CDH3: variants seen among roughly 807,000 people sequenced by gnomAD.
The protein encoded by CDH3 is cadherin 3, also known as cadherin-3.
A neutral mutation model predicts 82.0 loss-of-function variants in CDH3; 54 were observed. The observed-to-expected ratio is 0.66, with a 90% confidence interval of 0.53 to 0.83. The LOEUF (loss-of-function observed/expected upper bound fraction) is 0.83. Among genes scored for constraint, CDH3 ranks in the 40% least tolerant of loss-of-function variants. The pLI, the probability that CDH3 is intolerant of heterozygous loss-of-function variation, is 0.00. For synonymous variants in CDH3, 446 were observed against 437.9 expected (o/e 1.02, Z -0.23); for missense variants, 1,054 against 1,084.6 (o/e 0.97, Z 0.40).
Position 68,659,531 on chromosome 16 carries a change from T to C in CDH3, c.160+13781T>C, listed in dbSNP as rs1377609500. 2.0e-5 allele frequency among the ~76,000 whole-genome samples: 3 copies of C among 149,332 alleles called. No individual in the cohort carries two copies. In the East Asian group the frequency reaches 5.9e-4, roughly 29 times the overall value. ...TGGAGGTTGCAGTGAGCCAAGATCA[T>C]ACGACTGCACTGCACTCCAGCCTGG... On this transcript the variant is annotated intron_variant, in intron 2 of 15. Coordinates refer to ENST00000264012, the MANE Select transcript of CDH3 (RefSeq NM_001793.6).
At chr16:68,731,427 TATACAC>T (rs1962290050), downstream of CDH3, among the ~76,000 whole-genome samples, 1 of 55,262 alleles carries the variant, frequency 1.8e-5, no homozygotes, top group African/African-American at 1.0e-4. Flanking sequence ...TATACACATA[TATACAC>T]ATATATATAC....
chr16:68,661,067 G>A, intron 2 of CDH3, among the ~76,000 whole-genome samples: 1 of 152,112 alleles, frequency 6.6e-6, no homozygotes, highest in East Asian at 1.9e-4. Flanking sequence ...TGTATGGGGT[G>A]GAGGGGCCAA....
chr16:68,674,930 T>G (rs965864370), intron 2 of CDH3, among the ~76,000 whole-genome samples: 3 of 151,590 alleles, frequency 2.0e-5, no homozygotes, highest in Non-Finnish European at 4.4e-5. Flanking sequence ...CTGGTCAATA[T>G]GGTGAAACCC....
chr16:68,672,221 A>T lies in CDH3; in HGVS notation c.161-4164A>T, dbSNP rs139498535. On this transcript the variant is annotated intron_variant, in intron 2 of 15. Coordinates refer to ENST00000264012, the MANE Select transcript of CDH3 (RefSeq NM_001793.6). ...AAAAAAAAATAAATAAATAAAAAAT[A>T]AAAAAAAAAGAAAATAAGTTTCTGA... Among the ~76,000 whole-genome samples the T allele has an allele frequency of 8.3e-3, 1,224 of 147,100 alleles. 12 individuals carry two copies. Among genetic ancestry groups the T allele is most frequent in the African/African-American group, 0.028 (1,121 of 40,036 alleles).
At chr16:68,698,112 C>A in intron 15 of CDH3, 79 bp from the exon 16 acceptor site, 1 of 1,291,722 alleles carries the variant, frequency 7.7e-7, no homozygotes, top group Non-Finnish European at 1.1e-6. Context: ...GAGAGGGGCT[C>A]ACAGAGAGGA....
At chr16:68,664,772 C>T (rs541295659) in intron 2 of CDH3, among the ~76,000 whole-genome samples, 1 of 152,160 alleles carries the variant, frequency 6.6e-6, no homozygotes, top group South Asian at 2.1e-4. Flanking sequence ...GATCCTCCCA[C>T]CTCAGCCTCT....
chr16:68,722,604 C>T (rs973177738), exon 2 of CDH3: 1 of 152,122 alleles, frequency 6.6e-6, no homozygotes, highest in Non-Finnish European at 1.5e-5. Flanking sequence ...CCAATCAGTC[C>T]TCACTGACTC....
chr16:68,698,394 C>T lies in CDH3; in HGVS notation c.2484C>T (p.Asp828=), dbSNP rs202210726. The change falls in exon 16 of 16, where the codon GAC becomes GAT. Residue 828 remains aspartate (D), a synonymous_variant. Transcript: ENST00000264012. ...KLADMYGGGE[D]D ...CAGACATGTACGGTGGCGGGGAGGA[C>T]GACTAGGCGGCCTGCCTGCAGGGCT... 56 of 1,613,842 alleles carry T rather than the reference C, an allele frequency of 3.5e-5. No individual in the cohort carries two copies. Among genetic ancestry groups the T allele is most frequent in the East Asian group, 1.6e-4 (7 of 44,884 alleles).
chr16:68,672,245 G>C (rs989545356), intron 2 of CDH3, among the ~76,000 whole-genome samples: 1 of 115,266 alleles, frequency 8.7e-6, no homozygotes, highest in Non-Finnish European at 1.8e-5. Context: ...ATAAGTTTCT[G>C]ATGACCTTCA....
chr16:68,686,898 G>T (rs1164906346), intron 11 of CDH3, among the ~76,000 whole-genome samples: 1 of 152,236 alleles, frequency 6.6e-6, no homozygotes, highest in Non-Finnish European at 1.5e-5. Context: ...AACCCAGGAG[G>T]TGGTGGTTGC....
chr16:68,675,515 G>A (rs892775150), intron 2 of CDH3, among the ~76,000 whole-genome samples: 1 of 152,158 alleles, frequency 6.6e-6, no homozygotes, highest in Non-Finnish European at 1.5e-5. Flanking sequence ...TTGGAAAGGC[G>A]GCTGGGCGCG....
intron 2 of CDH3, among the ~76,000 whole-genome samples, chr16:68,664,944 C>T (rs1396281230): frequency 6.6e-6 from 1 of 152,134 alleles, no homozygotes; most frequent in Non-Finnish European, 1.5e-5. Flanking sequence ...GCCACTGTGC[C>T]TAGCTGCATG....
At chr16:68,682,205 G>T (rs962715549) in intron 8 of CDH3, 97 bp from the exon 9 acceptor site, 35 of 1,364,006 alleles carry the variant, frequency 2.6e-5, no homozygotes, top group Non-Finnish European at 3.5e-5. Flanking sequence ...AAGGGTAAAG[G>T]CATGGGGATC....
intron 2 of CDH3, among the ~76,000 whole-genome samples, chr16:68,727,121 TTCAC>T (rs1159669266): frequency 6.6e-6 from 1 of 152,196 alleles, no homozygotes; most frequent in East Asian, 1.9e-4. Flanking sequence ...GAAAGGTGAA[TTCAC>T]TCACTTTCTC....
chr16:68,683,741 C>T (rs565003407), intron 9 of CDH3, among the ~76,000 whole-genome samples: 2 of 134,318 alleles, frequency 1.5e-5, no homozygotes, highest in African/African-American at 5.6e-5. Flanking sequence ...GCCTGGACAA[C>T]ATGGAGAAAT....
chr16:68,718,817 C>T (rs929692691), intron 1 of CDH3, among the ~76,000 whole-genome samples: 11 of 152,158 alleles, frequency 7.2e-5, no homozygotes, highest in Admixed American at 1.3e-4. Context: ...CACACAAAGA[C>T]GCATACATGT....
intron 2 of CDH3, among the ~76,000 whole-genome samples, chr16:68,675,529 G>A (rs1961005967): frequency 6.6e-6 from 1 of 152,168 alleles, no homozygotes. Flanking sequence ...GGGCGCGGTG[G>A]CTCATGCCTG....
At chr16:68,704,938 C>T (rs1012719791), downstream of CDH3, among the ~76,000 whole-genome samples, 9 of 152,084 alleles carry the variant, frequency 5.9e-5, no homozygotes, top group Non-Finnish European at 1.0e-4. Flanking sequence ...TGACACACAC[C>T]TGTGGTCCCA....
At chr16:68,695,422 G>A (rs529971971) in intron 14 of CDH3, 37 bp downstream of exon 14, 8 of 1,579,032 alleles carry the variant, frequency 5.1e-6, no homozygotes, top group African/African-American at 2.7e-5. Flanking sequence ...GGAGGTGGAT[G>A]CCCCTAAGGC....
Sources: gnomAD v4.1 joint callset for allele counts (sites outside exome capture counted in the v4.1 genomes callset) on GRCh38, gnomAD v4.1.1 for gene constraint, MANE v1.5 for transcripts, NCBI Gene and HGNC (gene_info 2026-07-23, HGNC 2026-07-21) for gene names.